The following SMARCA1 variants were observed in gnomAD, a reference collection of about 807,000 sequenced individuals.
SMARCA1 encodes the protein SNF2 related chromatin remodeling ATPase 1.
In SMARCA1, 17 loss-of-function variants were observed where a neutral mutation model predicts 93.6. That is an observed-to-expected ratio of 0.18 (90% confidence interval 0.12 to 0.27). SMARCA1 has a LOEUF of 0.27. Ranked by LOEUF, SMARCA1 falls within the 10% of genes least tolerant of loss-of-function variation. The pLI is 1.00. For missense variants in SMARCA1, 630 were observed against 819.0 expected (o/e 0.77, Z 2.82); for synonymous variants, 271 against 271.4 (o/e 1.00, Z 0.01).
chrX:129,518,506 C>T, intron 1 of SMARCA1, 59 bp from the exon 2 acceptor site: 1 of 678,901 alleles, frequency 1.5e-6, no homozygotes, highest in Non-Finnish European at 2.3e-6. Flanking sequence ...TTAAACTGGT[C>T]AATGCTCTCA....
At chrX:129,473,003 G>A (rs2070755213) in intron 19 of SMARCA1, among the ~76,000 whole-genome samples, 1 of 111,582 alleles carries the variant, frequency 9.0e-6, no homozygotes, top group Non-Finnish European at 1.9e-5. Flanking sequence ...GATCTAGGGA[G>A]ATGGAGAAGG....
At chrX:129,454,768 G>C (rs955870868) in intron 23 of SMARCA1, among the ~76,000 whole-genome samples, 4 of 111,326 alleles carry the variant, frequency 3.6e-5, no homozygotes, top group Non-Finnish European at 7.5e-5. Flanking sequence ...TTTACATTAG[G>C]TATATCTCCT....
At chrX:129,462,810 CAT>C (rs1168658181) in intron 23 of SMARCA1, among the ~76,000 whole-genome samples, 1 of 109,062 alleles carries the variant, frequency 9.2e-6, no homozygotes, top group Non-Finnish European at 1.9e-5. Flanking sequence ...TTTTGGAAAA[CAT>C]AATTGAGATT....
chrX:129,523,166 T>A, intron 1 of SMARCA1, 31 bp downstream of exon 1: 1 of 1,203,958 alleles, frequency 8.3e-7, no homozygotes, highest in Non-Finnish European at 1.1e-6. Context: ...ACAGGATTTG[T>A]CCACCACACA....
intron 16 of SMARCA1, among the ~76,000 whole-genome samples, chrX:129,488,714 G>C (rs1441544986): frequency 9.1e-6 from 1 of 109,510 alleles, no homozygotes; most frequent in Non-Finnish European, 1.9e-5. Context: ...TAGATATAAG[G>C]TCACTCAATT....
chrX:129,501,201 C>T (rs964509543), intron 9 of SMARCA1, among the ~76,000 whole-genome samples: 1 of 112,233 alleles, frequency 8.9e-6, no homozygotes, highest in Non-Finnish European at 1.9e-5. Context: ...TCAGTCCTGA[C>T]TAGCTGTTGT....
intron 1 of SMARCA1, among the ~76,000 whole-genome samples, chrX:129,521,883 T>C (rs1818226991): frequency 8.9e-6 from 1 of 112,271 alleles, no homozygotes; most frequent in Admixed American, 9.5e-5. Flanking sequence ...AATAGTAAAA[T>C]ATGTCACAGA....
intron 12 of SMARCA1, among the ~76,000 whole-genome samples, chrX:129,493,941 C>T (rs1654272291): frequency 9.0e-6 from 1 of 111,470 alleles, no homozygotes; most frequent in Non-Finnish European, 1.9e-5. Flanking sequence ...ACAGCTGGCA[C>T]ACAATCAAAG....
At chrX:129,489,553 T>C (rs1255174292) in intron 15 of SMARCA1, among the ~76,000 whole-genome samples, 8 of 111,986 alleles carry the variant, frequency 7.1e-5, no homozygotes, top group Middle Eastern at 4.6e-3. Context: ...TTTGTTCGTT[T>C]GTTTGTTTGT....
At chrX:129,509,996 A>G (rs745461300) in intron 6 of SMARCA1, among the ~76,000 whole-genome samples, 37 of 112,471 alleles carry the variant, frequency 3.3e-4, no homozygotes, top group African/African-American at 1.2e-3. Flanking sequence ...TATCTATCCT[A>G]TGTTCTACCA....
chrX:129,520,138 CGTGT>C (rs374631579), intron 1 of SMARCA1, among the ~76,000 whole-genome samples: 172 of 96,704 alleles, frequency 1.8e-3, no homozygotes, highest in South Asian at 9.4e-3. Context: ...AACCTTCTCT[CGTGT>C]GTGTGTGTGT....
At chrX:129,464,087 G>A (rs1039974634) in intron 23 of SMARCA1, among the ~76,000 whole-genome samples, 2 of 112,114 alleles carry the variant, frequency 1.8e-5, no homozygotes, top group South Asian at 3.7e-4. Flanking sequence ...CCAAGCATAC[G>A]CCATTCATAA....
At chrX:129,518,666 T>A in intron 1 of SMARCA1, 7 of 247,347 alleles carry the variant, frequency 2.8e-5, no homozygotes. Context: ...TCTGAAAAAT[T>A]GTGAATGCCA....
intron 8 of SMARCA1, 101 bp downstream of exon 8, chrX:129,505,979 T>G: frequency 1.5e-6 from 1 of 671,315 alleles, no homozygotes; most frequent in South Asian, 4.2e-5. Context: ...AGATAAAAAA[T>G]TACAAATTAA....
chrX:129,488,921 T>A lies in SMARCA1; in HGVS notation c.2097+16A>T. On this transcript the variant is annotated intron_variant, in intron 16 of 24. Coordinates refer to ENST00000371121, the MANE Select transcript of SMARCA1 (RefSeq NM_001282874.2). Reference sequence around the variant, plus strand: ...AAAACAATCCAGCATGAAAATAAAATGCTATTTTAACTAACCTTCTTTTCC... The same window carrying A: ...AAAACAATCCAGCATGAAAATAAAAAGCTATTTTAACTAACCTTCTTTTCC... 9.2e-7 allele frequency: 1 copy of A among 1,088,270 alleles called. No homozygotes were observed. The highest frequency in any genetic ancestry group is 1.3e-6 in the Non-Finnish European group (1 of 793,414). The allele number at this position is 1,088,270 out of a possible 1,213,427, so 89.7% of individuals were successfully genotyped here.
At chrX:129,501,300 T>A (rs1602712090) in intron 9 of SMARCA1, among the ~76,000 whole-genome samples, 1 of 64,145 alleles carries the variant, frequency 1.6e-5, no homozygotes, top group Admixed American at 1.6e-4. Context: ...TATACCAAAC[T>A]TTTTTTTTTT....
At chrX:129,465,451 A>C (rs1019705142) in intron 23 of SMARCA1, 69 bp downstream of exon 23, 12 of 662,768 alleles carry the variant, frequency 1.8e-5, no homozygotes, top group Non-Finnish European at 2.8e-5. Flanking sequence ...ATCTAGGTGA[A>C]GGATATATGG....
intron 23 of SMARCA1, among the ~76,000 whole-genome samples, chrX:129,455,105 G>A (rs1238483344): frequency 9.0e-6 from 1 of 111,522 alleles, no homozygotes; most frequent in Non-Finnish European, 1.9e-5. Context: ...CCATTACTGA[G>A]TATGTACCCA....
At chrX:129,507,905 TA>T (rs1187383073) in intron 7 of SMARCA1, 35 bp downstream of exon 7, 3 of 951,139 alleles carry the variant, frequency 3.2e-6, no homozygotes, top group Non-Finnish European at 4.3e-6. Context: ...ACCTGGTAAT[TA>T]AATGTAAACT....
Sources: allele counts gnomAD v4.1 joint callset (sites outside exome capture counted in the v4.1 genomes callset), GRCh38; gene constraint gnomAD v4.1.1; transcripts MANE v1.5; gene names NCBI Gene and HGNC (gene_info 2026-07-23, HGNC 2026-07-21).